ERG: variants seen among roughly 807,000 people sequenced by gnomAD.
The protein encoded by ERG is transcriptional regulator ERG.
In ERG, 9 loss-of-function variants were observed where a neutral mutation model predicts 55.3. That is an observed-to-expected ratio of 0.16 (90% CI 0.10 to 0.28). The LOEUF is 0.28. Ranked by LOEUF, ERG falls within the 10% of genes least tolerant of loss-of-function variation. The pLI, the probability that ERG is intolerant of heterozygous loss-of-function variation, is 1.00. For synonymous variants in ERG, 223 were observed against 237.3 expected, an observed-to-expected ratio of 0.94 and a Z score of 0.55; for missense variants, 434 against 631.6, an observed-to-expected ratio of 0.69 and a Z score of 3.35.
At chr21:38,633,950 C>T (rs1472446580) in intron 1 of ERG, among the ~76,000 whole-genome samples, 1 of 151,314 alleles carries the variant, frequency 6.6e-6, no homozygotes, top group African/African-American at 2.4e-5. Context: ...CTCAAAAGAA[C>T]CATAAGGTTC....
Position 38,477,491 on chromosome 21 carries a change from C to T in ERG, c.18+20872G>A, listed in dbSNP as rs1057451804. 5.9e-5 allele frequency among the ~76,000 whole-genome samples: 9 copies of T among 151,922 alleles called. No individual in the cohort carries two copies. The South Asian group carries it at 1.0e-3, about 18-fold the overall frequency. The stretch of plus-strand genomic sequence containing the variant: ...TGATCTTGCCTTTATCAGCATTTGC[C>T]GTAACCAGTCGAGTTAACCAAGTTG... On this transcript the variant is annotated intron_variant, in intron 1 of 9. Coordinates refer to ENST00000288319, the MANE Select transcript of ERG (RefSeq NM_182918.4).
At chr21:38,597,634 CT>C (rs944197646) in intron 1 of ERG, among the ~76,000 whole-genome samples, 9 of 152,090 alleles carry the variant, frequency 5.9e-5, no homozygotes, top group African/African-American at 2.2e-4. Flanking sequence ...GAGGCATGAG[CT>C]TGGACAGGGC....
At chr21:38,419,887 C>T (rs1989457273) in intron 3 of ERG, among the ~76,000 whole-genome samples, 1 of 152,112 alleles carries the variant, frequency 6.6e-6, no homozygotes, top group African/African-American at 2.4e-5. Flanking sequence ...ACGGACAAAG[C>T]CCCCCAGCTC....
At chr21:38,655,529 C>T (rs2060513726) in intron 1 of ERG, among the ~76,000 whole-genome samples, 3 of 152,168 alleles carry the variant, frequency 2.0e-5, no homozygotes, top group Admixed American at 2.0e-4. Context: ...CCTGCTATCC[C>T]CTCTTCTCAC....
At chr21:38,444,171 C>A (rs979386225) in intron 2 of ERG, among the ~76,000 whole-genome samples, 2 of 152,124 alleles carry the variant, frequency 1.3e-5, no homozygotes, top group Non-Finnish European at 2.9e-5. Flanking sequence ...ACCTTTTTAG[C>A]GTTAAAACAT....
intron 1 of ERG, among the ~76,000 whole-genome samples, chr21:38,477,083 G>A (rs2059196120): frequency 7.0e-6 from 1 of 142,806 alleles, no homozygotes; most frequent in South Asian, 2.2e-4. Context: ...TGCGCTCATG[G>A]CTCACTGCAA....
intron 2 of ERG, among the ~76,000 whole-genome samples, chr21:38,425,947 GA>G (rs1172694641): frequency 6.6e-6 from 1 of 152,248 alleles, no homozygotes; most frequent in African/African-American, 2.4e-5. Flanking sequence ...GTGGGAACTT[GA>G]AAATATAGGT....
chr21:38,622,243 C>A (rs2836576), intron 1 of ERG, among the ~76,000 whole-genome samples: 5,835 of 152,264 alleles, frequency 0.038, 360 homozygotes, highest in African/African-American at 0.13. Context: ...CCAAACAGGG[C>A]CCCTGCTGCT....
upstream of ERG, among the ~76,000 whole-genome samples, chr21:38,498,728 C>T (rs2059399618): frequency 6.6e-6 from 1 of 152,042 alleles, no homozygotes. This position sits in a 1 kb window ranked among gnomAD's most constrained non-coding sequence, Gnocchi z 4.6. Context: ...TGACACACTG[C>T]ACTGAGACCA....
chr21:38,601,617 C>G (rs1008757608), intron 1 of ERG, among the ~76,000 whole-genome samples: 4 of 152,074 alleles, frequency 2.6e-5, no homozygotes, highest in Admixed American at 2.0e-4. Context: ...CTTGACTCCC[C>G]GAGTTTCTCA....
chr21:38,481,954 T>C (rs1471832037), intron 1 of ERG, among the ~76,000 whole-genome samples: 1 of 152,244 alleles, frequency 6.6e-6, no homozygotes, highest in South Asian at 2.1e-4. Flanking sequence ...AATGACCCAA[T>C]GCAAATCCTG....
chr21:38,367,542 G>C, the ERG span: 1 of 471,230 alleles, frequency 2.1e-6, no homozygotes, highest in South Asian at 1.8e-5. Flanking sequence ...CCCAGAATAA[G>C]TGATGCAAAG....
At chr21:38,623,761 C>T (rs573225808) in intron 1 of ERG, among the ~76,000 whole-genome samples, 7 of 152,226 alleles carry the variant, frequency 4.6e-5, no homozygotes, top group South Asian at 2.1e-4. Context: ...CAGCAGGGGT[C>T]GAACTTAAAA....
chr21:38,378,285 T>C (rs553064404), downstream of ERG, among the ~76,000 whole-genome samples: 9 of 152,360 alleles, frequency 5.9e-5, no homozygotes, highest in African/African-American at 1.9e-4. Context: ...ATGTAGTCCA[T>C]GTGCTGCCAA....
At chr21:38,510,210 G>A (rs1441355093) in intron 2 of ERG, among the ~76,000 whole-genome samples, 2 of 152,172 alleles carry the variant, frequency 1.3e-5, no homozygotes, top group Non-Finnish European at 2.9e-5. Flanking sequence ...CTCACATATG[G>A]AATGCCTATA....
intron 2 of ERG, among the ~76,000 whole-genome samples, chr21:38,532,732 C>T (rs1389744966): frequency 6.6e-6 from 1 of 152,220 alleles, no homozygotes; most frequent in Non-Finnish European, 1.5e-5. Context: ...GGATTTTCAG[C>T]TGCCTTCCAA....
upstream of ERG, among the ~76,000 whole-genome samples, chr21:38,499,136 AT>A (rs148032097): frequency 3.1e-4 from 47 of 152,372 alleles, 1 homozygote; most frequent in East Asian, 8.7e-3. Flanking sequence ...AAGAGGAAAA[AT>A]AAACCTTCCT....
At chr21:38,563,957 C>T (rs549897565) in intron 2 of ERG, among the ~76,000 whole-genome samples, 3 of 152,280 alleles carry the variant, frequency 2.0e-5, no homozygotes, top group East Asian at 3.9e-4. Flanking sequence ...TGGTGTACAA[C>T]GTGACAGGGA....
At chr21:38,639,345 C>A in intron 1 of ERG, among the ~76,000 whole-genome samples, 1 of 147,904 alleles carries the variant, frequency 6.8e-6, no homozygotes, top group African/African-American at 2.5e-5. Context: ...AAATGTGGAG[C>A]AAAAAGAGAT....
Sources: gnomAD v4.1 joint callset for allele counts (sites outside exome capture counted in the v4.1 genomes callset) on GRCh38, gnomAD v4.1.1 for gene constraint, Gnocchi (gnomAD v3.1) non-coding constraint, MANE v1.5 for transcripts, NCBI Gene and HGNC (gene_info 2026-07-23, HGNC 2026-07-21) for gene names.